Variants in PDGFD observed in about 807,000 individuals in gnomAD.
PDGFD encodes the protein platelet-derived growth factor D.
In PDGFD, 30 loss-of-function variants were observed where a neutral mutation model predicts 44.7. The ratio of observed to expected loss-of-function variants is 0.67; its 90% CI spans 0.50 to 0.91. The LOEUF (loss-of-function observed/expected upper bound fraction) is 0.91, where lower values mean the gene tolerates loss of function less well. Ranked by LOEUF, PDGFD falls within the 40% of genes least tolerant of loss-of-function variation. The pLI, the probability that PDGFD is intolerant of heterozygous loss-of-function variation, is 0.00. For missense variants in PDGFD, 445 were observed against 457.8 expected (o/e 0.97, Z 0.25); for synonymous variants, 173 against 168.4 (o/e 1.03, Z -0.21).
At chr11:103,959,463 C>T (rs1020333365) in intron 3 of PDGFD, among the ~76,000 whole-genome samples, 8 of 152,062 alleles carry the variant, frequency 5.3e-5, no homozygotes, top group African/African-American at 1.9e-4. Flanking sequence ...GGACTCATAC[C>T]CTTGCAAATT....
intron 1 of PDGFD, among the ~76,000 whole-genome samples, chr11:104,057,384 C>T (rs926885163): frequency 3.3e-5 from 5 of 152,068 alleles, no homozygotes; most frequent in African/African-American, 1.2e-4. Context: ...ATACAAAAAA[C>T]AAAGGGCCAG....
At chr11:104,135,926 C>CT (rs1861997396) in intron 1 of PDGFD, among the ~76,000 whole-genome samples, 1 of 151,862 alleles carries the variant, frequency 6.6e-6, no homozygotes, top group South Asian at 2.1e-4. Flanking sequence ...GCTCCAAGAG[C>CT]TTTGGAAAGA....
At chr11:103,913,070 C>T (rs540149866) in intron 6 of PDGFD, among the ~76,000 whole-genome samples, 7 of 152,240 alleles carry the variant, frequency 4.6e-5, no homozygotes, top group African/African-American at 1.7e-4. Context: ...TAACACCCCA[C>T]TGCCAATATT....
rs1268025938 is a variant in PDGFD at position 104,046,744 on chromosome 11, AT to A, written c.125-46490del. On this transcript the variant is annotated intron_variant, in intron 1 of 6. Transcript: ENST00000393158. ...CAGTGATTCAGGTTAAATTATTATT[AT>A]TTTTTTATTATTATACTTTAAGTTC... 2.7e-5 allele frequency among the ~76,000 whole-genome samples: 4 copies of A among 146,944 alleles called. 1 individual carries two copies. Among genetic ancestry groups the A allele is most frequent in the African/African-American group, 5.0e-5 (2 of 40,386 alleles).
At chr11:104,025,358 C>T (rs1001163375) in intron 1 of PDGFD, among the ~76,000 whole-genome samples, 7 of 152,168 alleles carry the variant, frequency 4.6e-5, no homozygotes, top group Non-Finnish European at 7.3e-5. Context: ...TCTAGCTTTC[C>T]GTCAAATCTA....
chr11:104,088,203 G>A (rs571437489), intron 1 of PDGFD, among the ~76,000 whole-genome samples: 28 of 152,320 alleles, frequency 1.8e-4, no homozygotes, highest in Admixed American at 1.8e-3. Context: ...AAGCCCTTGT[G>A]TATGGTGGTT....
intron 3 of PDGFD, among the ~76,000 whole-genome samples, chr11:103,963,377 A>G (rs1261367973): frequency 5.9e-5 from 9 of 152,166 alleles, no homozygotes; most frequent in Admixed American, 5.9e-4. Flanking sequence ...CTCAAAGAGG[A>G]GATTTTTCAG....
intron 1 of PDGFD, among the ~76,000 whole-genome samples, chr11:104,053,223 TAGAG>T (rs1303912827): frequency 6.6e-6 from 1 of 152,154 alleles, no homozygotes; most frequent in African/African-American, 2.4e-5. Flanking sequence ...CAAGAGTTTT[TAGAG>T]AGAATACTAA....
rs529281330 is a variant in PDGFD, at chr11:104,045,519, G to C, written c.125-45264C>G. Among the ~76,000 whole-genome samples, 4 of 151,964 alleles carry C rather than the reference G, an allele frequency of 2.6e-5. No homozygotes were observed. The East Asian group carries it at 7.7e-4, about 29-fold the overall frequency. On this transcript the variant is annotated intron_variant, in intron 1 of 6. Transcript: ENST00000393158. ...TACAAACTGACATCAGAAAATGAGA[G>C]CATGGGATACTCAAAATAAATATTT...
At chr11:104,151,161 CCTTT>C (rs1862240095) in intron 1 of PDGFD, among the ~76,000 whole-genome samples, 1 of 152,004 alleles carries the variant, frequency 6.6e-6, no homozygotes, top group Non-Finnish European at 1.5e-5. Flanking sequence ...TCTTACTCTC[CCTTT>C]CTTTTCTTTC....
chr11:104,129,825 A>T (rs1433547953), intron 1 of PDGFD, among the ~76,000 whole-genome samples: 3 of 152,002 alleles, frequency 2.0e-5, no homozygotes, highest in Non-Finnish European at 4.4e-5. Context: ...CCTGGCCAAC[A>T]TGGTGAAACC....
chr11:103,972,347 G>A (rs1232693948), intron 3 of PDGFD, among the ~76,000 whole-genome samples: 1 of 152,136 alleles, frequency 6.6e-6, no homozygotes, highest in African/African-American at 2.4e-5. Flanking sequence ...CTTGGGGGTT[G>A]CGGGGTATGC....
intron 1 of PDGFD, among the ~76,000 whole-genome samples, chr11:104,015,249 T>C (rs1859843570): frequency 6.6e-6 from 1 of 152,224 alleles, no homozygotes; most frequent in Non-Finnish European, 1.5e-5. Flanking sequence ...TTAGTAATCT[T>C]CTGTGAGATT....
chr11:103,957,838 G>A (rs1159564528), intron 3 of PDGFD, among the ~76,000 whole-genome samples: 1 of 152,160 alleles, frequency 6.6e-6, no homozygotes, highest in Non-Finnish European at 1.5e-5. Flanking sequence ...GGGCTGCACA[G>A]AAAGTTGCAA....
chr11:104,035,806 T>G (rs1860222393), intron 1 of PDGFD, among the ~76,000 whole-genome samples: 1 of 152,066 alleles, frequency 6.6e-6, no homozygotes, highest in Admixed American at 6.6e-5. Context: ...TCCTTTGGAG[T>G]GAGACCACTT....
At chr11:103,939,463 G>C (rs967428997) in intron 5 of PDGFD, among the ~76,000 whole-genome samples, 2 of 152,092 alleles carry the variant, frequency 1.3e-5, no homozygotes, top group African/African-American at 2.4e-5. Context: ...GGGCTGAGAT[G>C]ATGGGGTTTT....
At chr11:104,026,898 T>C (rs369079168) in intron 1 of PDGFD, among the ~76,000 whole-genome samples, 4 of 152,248 alleles carry the variant, frequency 2.6e-5, no homozygotes, top group African/African-American at 4.8e-5. Flanking sequence ...ACCATACTTA[T>C]ATTCTTGATG....
intron 1 of PDGFD, among the ~76,000 whole-genome samples, chr11:104,114,208 G>T (rs1198396541): frequency 6.6e-6 from 1 of 151,910 alleles, no homozygotes; most frequent in Non-Finnish European, 1.5e-5. Flanking sequence ...TTATCTTCTA[G>T]GAATTTTAGA....
intron 1 of PDGFD, among the ~76,000 whole-genome samples, chr11:104,077,928 C>T (rs1860989252): frequency 6.6e-6 from 1 of 152,158 alleles, no homozygotes; most frequent in African/African-American, 2.4e-5. Context: ...CAGACCTCAG[C>T]AGGTGAGCTA....
Sources: allele counts gnomAD v4.1 joint callset (sites outside exome capture counted in the v4.1 genomes callset), GRCh38; gene constraint gnomAD v4.1.1; transcripts MANE v1.5; gene names NCBI Gene and HGNC (gene_info 2026-07-23, HGNC 2026-07-21).